The following CNOT10 variants were observed in gnomAD, a reference collection of about 807,000 sequenced individuals.
CNOT10 encodes CCR4-NOT transcription complex, subunit 10.
Under a neutral mutation model 94.6 loss-of-function variants are expected in CNOT10, and 30 were observed. The observed-to-expected ratio is 0.32, with a 90% CI of 0.24 to 0.43. The LOEUF is 0.43. CNOT10 is among the 20% of genes least tolerant of loss of function. The pLI, the probability that CNOT10 is intolerant of heterozygous loss-of-function variation, is 1.00. For synonymous variants in CNOT10, 289 were observed against 301.6 expected, an observed-to-expected ratio of 0.96 and a Z score of 0.43; for missense variants, 759 against 877.2, an observed-to-expected ratio of 0.87 and a Z score of 1.70.
rs142994335 is a variant in CNOT10 at position 32,759,247 on chromosome 3, A to C, written c.1596-211A>C. 4.2e-4 allele frequency among the ~76,000 whole-genome samples: 64 copies of C among 152,252 alleles called. No homozygotes were observed. The East Asian group carries it at 4.2e-3, about 10-fold the overall frequency. On this transcript the variant is annotated intron_variant, in intron 13 of 18. Coordinates refer to ENST00000328834, the MANE Select transcript of CNOT10 (RefSeq NM_015442.3). ...GTTGGGGATGTGGGTCAATTGGATG[A>C]AAGCTAAAGATGACTTATGTAAATA...
intron 5 of CNOT10, among the ~76,000 whole-genome samples, chr3:32,713,948 GTTA>G (rs1376789079): frequency 1.3e-5 from 2 of 151,822 alleles, no homozygotes; most frequent in Admixed American, 6.6e-5. Context: ...CTACTTTTTG[GTTA>G]TTATATATAG....
intron 1 of CNOT10, among the ~76,000 whole-genome samples, chr3:32,692,770 GT>G (rs1696903199): frequency 6.6e-6 from 1 of 152,094 alleles, no homozygotes; most frequent in African/African-American, 2.4e-5. Context: ...CCTGGGCTGG[GT>G]ACAGTGACTC....
chr3:32,722,133 G>A (rs866768552), intron 8 of CNOT10, among the ~76,000 whole-genome samples: 16 of 152,110 alleles, frequency 1.1e-4, no homozygotes, highest in Non-Finnish European at 4.4e-5. Context: ...TGTATATTTT[G>A]CCTCAAGTTT....
At chr3:32,695,968 AGTGTGTGTGTGTGTGTGTGTGTGTGT>A (rs764702440) in intron 1 of CNOT10, 15 of 433,064 alleles carry the variant, frequency 3.5e-5, no homozygotes, top group East Asian at 4.9e-5. Context: ...TGTTGAAGAG[AGTGTGTGTGTGTGTGTGTGTGTGTGT>A]GTGTGTGTGT....
At chr3:32,762,614 G>A (rs1700500215) in intron 14 of CNOT10, 119 bp from the exon 15 acceptor site, 2 of 1,029,218 alleles carry the variant, frequency 1.9e-6, no homozygotes, top group African/African-American at 3.4e-5. Flanking sequence ...TCAATTTAAG[G>A]ACATGAAATA....
intron 2 of CNOT10, among the ~76,000 whole-genome samples, chr3:32,704,351 T>G (rs1261278260): frequency 1.3e-5 from 2 of 152,292 alleles, no homozygotes; most frequent in Admixed American, 6.5e-5. Flanking sequence ...CCCCAAAACT[T>G]TATTGGCAGA....
chr3:32,773,660 T>C lies in CNOT10; in HGVS notation c.*49T>C. 1 of 1,549,104 alleles carries C rather than the reference T, an allele frequency of 6.5e-7. No homozygotes were observed. Among genetic ancestry groups the C allele is most frequent in the Non-Finnish European group, 8.8e-7 (1 of 1,141,836 alleles). On this transcript the variant is annotated 3_prime_UTR_variant, in exon 19 of 19. Coordinates refer to ENST00000328834, the MANE Select transcript of CNOT10 (RefSeq NM_015442.3). ...ACCTGAGACCCAGGGGAGAATTTAC[T>C]GGCCATTTTAGTTGTATCACAGCAG...
At chr3:32,768,802 A>G (rs1035064297) in intron 17 of CNOT10, among the ~76,000 whole-genome samples, 2 of 152,148 alleles carry the variant, frequency 1.3e-5, no homozygotes, top group African/African-American at 4.8e-5. Flanking sequence ...ATTTCTCCTA[A>G]TGCTGCCAGA....
chr3:32,733,465 A>G lies in CNOT10; in HGVS notation c.1258A>G (p.Ile420Val). 1 of 1,602,400 alleles carries G rather than the reference A, an allele frequency of 6.2e-7. No individual in the cohort carries two copies. Among genetic ancestry groups the G allele is most frequent in the Non-Finnish European group, 8.5e-7 (1 of 1,171,854 alleles). Residue 420 changes from isoleucine (I) to valine (V), a missense_variant, in exon 11 of 19, where the codon ATT becomes GTT. Coordinates refer to ENST00000328834, the MANE Select transcript of CNOT10 (RefSeq NM_015442.3). ...ETKGLPSKKG[I>V]VQSIVGQGYH... ...TAAAGGCCTTCCCAGCAAAAAAGGA[A>G]TTGTACAGTCTATTGTTGGTCAAGG...
intron 17 of CNOT10, chr3:32,765,281 G>A (rs1312665391): frequency 1.2e-5 from 2 of 166,136 alleles, no homozygotes; most frequent in Non-Finnish European, 2.4e-5. Context: ...TTGTGCCACT[G>A]TACTCCAGCC....
intron 1 of CNOT10, among the ~76,000 whole-genome samples, chr3:32,698,741 G>A (rs1424900219): frequency 6.6e-6 from 1 of 152,096 alleles, no homozygotes; most frequent in Non-Finnish European, 1.5e-5. Context: ...GCTGACATGT[G>A]CCAGGCTAGG....
Position 32,734,835 on chromosome 3 carries a change from T to C in CNOT10, c.1373T>C (p.Met458Thr). Residue 458 changes from methionine to threonine, a missense_variant, in exon 12 of 19, where the codon ATG (methionine) becomes ACG (threonine). Physicochemically the swap from Met to Thr is moderately conservative, Grantham distance 81. Around this residue, in one of 3 missense-constraint regions of CNOT10, gnomAD observed 682 missense variants for 799.4 expected, o/e 0.85. Coordinates refer to ENST00000328834, the MANE Select transcript of CNOT10 (RefSeq NM_015442.3). ...GQSSAIPVASMEFAAICLRNA... is the reference protein window; with the variant it reads ...GQSSAIPVASTEFAAICLRNA... ...TCTTCGGCCATTCCTGTAGCCAGTATGGAGTTTGCAGCCATATGTCTCAGA... is the reference window on the plus strand; with the variant it reads ...TCTTCGGCCATTCCTGTAGCCAGTACGGAGTTTGCAGCCATATGTCTCAGA... 6.2e-7 allele frequency: 1 copy of C among 1,613,926 alleles called. No homozygotes were observed. The highest frequency in any genetic ancestry group is 1.1e-5 in the South Asian group (1 of 91,042).
chr3:32,735,006 A>G (rs1699121835), intron 12 of CNOT10, 30 bp downstream of exon 12: 1 of 1,577,856 alleles, frequency 6.3e-7, no homozygotes. Flanking sequence ...CTCCTTTGGC[A>G]AAATCCTTTC....
intron 1 of CNOT10, among the ~76,000 whole-genome samples, chr3:32,700,613 A>G (rs1259973493): frequency 6.6e-6 from 1 of 152,228 alleles, no homozygotes; most frequent in Non-Finnish European, 1.5e-5. Flanking sequence ...ATAACTTGAA[A>G]AAGGGTTTTC....
intron 1 of CNOT10, among the ~76,000 whole-genome samples, chr3:32,703,165 G>C (rs1166836833): frequency 7.0e-6 from 1 of 142,868 alleles, no homozygotes; most frequent in Admixed American, 7.5e-5. Flanking sequence ...ACCTTGTGAT[G>C]TGCCCGCCTT....
At chr3:32,769,612 T>C (rs1208061458) in intron 17 of CNOT10, 2 of 370,346 alleles carry the variant, frequency 5.4e-6, no homozygotes, top group African/African-American at 4.0e-5. Flanking sequence ...TATGTGTCTG[T>C]TGTGAAAGCC....
At chr3:32,686,223 C>T (rs951371273) in intron 1 of CNOT10, among the ~76,000 whole-genome samples, 40 of 152,266 alleles carry the variant, frequency 2.6e-4, no homozygotes, top group African/African-American at 9.6e-4. Flanking sequence ...AAAATTATTT[C>T]CTGACCTTGT....
chr3:32,729,633 A>C (rs1698843358), intron 10 of CNOT10, among the ~76,000 whole-genome samples: 1 of 152,216 alleles, frequency 6.6e-6, no homozygotes, highest in African/African-American at 2.4e-5. Flanking sequence ...GTATACCAAC[A>C]GAGGAAGAGA....
At chr3:32,704,299 C>G (rs1021761976) in intron 2 of CNOT10, among the ~76,000 whole-genome samples, 1 of 151,968 alleles carries the variant, frequency 6.6e-6, no homozygotes, top group Middle Eastern at 3.2e-3. Flanking sequence ...CTGAAAATAT[C>G]AGATTCAAAA....
Sources: gnomAD v4.1 joint callset for allele counts (sites outside exome capture counted in the v4.1 genomes callset) on GRCh38, gnomAD v4.1.1 for gene constraint, gnomAD v4.1.1 regional missense constraint, MANE v1.5 for transcripts, NCBI Gene and HGNC (gene_info 2026-07-23, HGNC 2026-07-21) for gene names.